ZNF831: variants seen among roughly 807,000 people sequenced by gnomAD.
ZNF831 encodes the protein chromosome 20 open reading frame 174.
ZNF831 carries 59 observed loss-of-function variants against 95.8 expected under a neutral mutation model. That is an observed-to-expected ratio of 0.62 (90% confidence interval 0.50 to 0.77). The LOEUF is 0.77. Among genes scored for constraint, ZNF831 ranks in the 30% least tolerant of loss-of-function variants. ZNF831 has a pLI of 0.00. For missense variants in ZNF831, 2,205 were observed against 2,164.0 expected, an observed-to-expected ratio of 1.02 and a Z score of -0.38; for synonymous variants, 961 against 925.5, an observed-to-expected ratio of 1.04 and a Z score of -0.70.
chr20:59,156,702 G>T (rs1310929496), intron 2 of ZNF831, among the ~76,000 whole-genome samples: 1 of 152,042 alleles, frequency 6.6e-6, no homozygotes, highest in South Asian at 2.1e-4. Context: ...ATCACCGCTG[G>T]ACTCTCCGCT....
In ZNF831 at chr20:59,192,627, G is replaced by T; in HGVS notation, c.1608G>T (p.Arg536Ser). 1.3e-6 allele frequency: 2 copies of T among 1,497,064 alleles called. No homozygotes were observed. Among genetic ancestry groups the T allele is most frequent in the Non-Finnish European group, 1.8e-6 (2 of 1,125,958 alleles). 92.7% of individuals were successfully genotyped at this position (1,497,064 alleles called of 1,614,324 possible). ...GGACGCAGAAGCCTCTGAGCCCCAG[G>T]CCCGGCCCAGCCCGCCTGGGCTGCC... ...WSRTQKPLSP[R>S]PGPARLGCRS... Residue 536 changes from arginine to serine, a missense_variant, in exon 2 of 6, where the codon AGG becomes AGT. Transcript: ENST00000371030. This position sits in a 1 kb window ranked among gnomAD's most constrained non-coding sequence, Gnocchi z 5.2.
Position 59,191,678 on chromosome 20 carries a change from C to T in ZNF831, c.659C>T (p.Ala220Val), listed in dbSNP as rs371194523. The T allele has an allele frequency of 1.1e-5, 17 of 1,558,998 alleles. No homozygotes were observed. The highest frequency in any genetic ancestry group is 1.3e-5 in the Non-Finnish European group (15 of 1,152,738). ...GGGLLEEGDK[A>V]GEPPRPEGRG... is the part of the protein sequence containing the mutation. ...GGCCTCCTGGAGGAAGGGGACAAGG[C>T]CGGAGAGCCCCCCAGACCAGAGGGC... is the stretch of plus-strand genomic sequence containing the variant. The change falls in exon 2 of 6, where the codon GCC becomes GTC. Residue 220 changes from alanine to valine, a missense_variant. Coordinates refer to ENST00000371030, the MANE Select transcript of ZNF831 (RefSeq NM_178457.3).
rs761556408 is a variant in ZNF831 at position 59,195,866 on chromosome 20, C to T, written c.3739-3C>T. On this transcript the variant is annotated splice_region_variant and splice_polypyrimidine_tract_variant and intron_variant, in intron 2 of 5. Transcript: ENST00000371030. ...GTGATGCCAACATGCTTGGTGTTTT[C>T]AGTTCTCCTACCCAACAGTCCCAGG... 45 of 1,610,604 alleles carry T rather than the reference C, an allele frequency of 2.8e-5. No homozygotes were observed. The highest frequency in any genetic ancestry group is 1.1e-4 in the African/African-American group (8 of 74,714).
chr20:59,195,999 C>A lies in ZNF831; in HGVS notation c.3869C>A (p.Pro1290His). 2 of 1,613,736 alleles carry A rather than the reference C, an allele frequency of 1.2e-6. No homozygotes were observed. Among genetic ancestry groups the A allele is most frequent in the South Asian group, 1.1e-5 (1 of 90,980 alleles). Residue 1290 changes from proline (P) to histidine (H), a missense_variant, in exon 3 of 6, where the codon CCT (proline) becomes CAT (histidine). Physicochemically the swap from Pro to His is moderately conservative, Grantham distance 77. Coordinates refer to ENST00000371030, the MANE Select transcript of ZNF831 (RefSeq NM_178457.3). ...NSKQRKLKIN[P>H]KRYKGNFLQS... Reference sequence around the variant, plus strand: ...AAGCAGAGAAAACTGAAGATCAACCCTAAAAGGTAGGATGAGTGGCCACCT... The same window carrying A: ...AAGCAGAGAAAACTGAAGATCAACCATAAAAGGTAGGATGAGTGGCCACCT...
intron 1 of ZNF831, among the ~76,000 whole-genome samples, chr20:59,136,455 A>G (rs1340502596): frequency 6.6e-6 from 1 of 152,186 alleles, no homozygotes; most frequent in Non-Finnish European, 1.5e-5. Flanking sequence ...TGCCTTCCAC[A>G]TTACCCAGAA....
At chr20:59,155,559 A>G (rs1169440085) in intron 2 of ZNF831, among the ~76,000 whole-genome samples, 1 of 152,190 alleles carries the variant, frequency 6.6e-6, no homozygotes, top group African/African-American at 2.4e-5. Flanking sequence ...GTTTTAGCTC[A>G]GGTGCTAAAT....
intron 4 of ZNF831, among the ~76,000 whole-genome samples, chr20:59,212,833 C>T (rs1024000281): frequency 6.6e-6 from 1 of 152,212 alleles, no homozygotes; most frequent in African/African-American, 2.4e-5. Flanking sequence ...TCTCTCCTTG[C>T]CTACCATCAC....
intron 3 of ZNF831, among the ~76,000 whole-genome samples, chr20:59,200,128 T>C (rs745746337): frequency 2.6e-5 from 4 of 152,182 alleles, no homozygotes; most frequent in African/African-American, 4.8e-5. Context: ...CTTTAAGATC[T>C]TCTTTTATCC....
At position 59,131,122 on chromosome 20, in the gene ZNF831, G is replaced by T. The variant is rs115833886; in HGVS notation, c.-1425+7617G>T. ...GGTTGAAGGAAATGCTAGACTCCCAGCATTAACCTTCCAGCATCCATCTTG... is the reference window on the plus strand; with the variant it reads ...GGTTGAAGGAAATGCTAGACTCCCATCATTAACCTTCCAGCATCCATCTTG... On this transcript the variant is annotated intron_variant, in intron 1 of 7. Transcript: ENST00000637017. Among the ~76,000 whole-genome samples, 1,347 of 152,282 alleles carry T rather than the reference G, an allele frequency of 8.8e-3. 13 individuals are homozygous for T. The highest frequency in any genetic ancestry group is 0.031 in the African/African-American group (1,268 of 41,558).
chr20:59,127,879 C>T (rs1023397731), intron 1 of ZNF831, among the ~76,000 whole-genome samples: 25 of 152,332 alleles, frequency 1.6e-4, no homozygotes, highest in African/African-American at 4.8e-4. Context: ...GGAGAGGATG[C>T]AGAGTGGAGC....
intron 1 of ZNF831, among the ~76,000 whole-genome samples, chr20:59,136,554 G>C (rs1014027885): frequency 6.6e-6 from 1 of 152,184 alleles, no homozygotes; most frequent in African/African-American, 2.4e-5. Flanking sequence ...GCACCTGCAT[G>C]TTCATGTTTA....
chr20:59,137,850 C>T (rs543917123), intron 1 of ZNF831, among the ~76,000 whole-genome samples: 21 of 152,172 alleles, frequency 1.4e-4, no homozygotes, highest in Non-Finnish European at 2.8e-4. Flanking sequence ...CATTTCAATT[C>T]CTGTGTCATT....
At chr20:59,146,432 A>G (rs908829038) in intron 2 of ZNF831, 2 of 152,306 alleles carry the variant, frequency 1.3e-5, no homozygotes, top group Non-Finnish European at 2.9e-5. Context: ...GCAAGGCCAG[A>G]TGAAGGGATC....
chr20:59,151,045 G>A (rs760197749), intron 2 of ZNF831, among the ~76,000 whole-genome samples: 1 of 152,220 alleles, frequency 6.6e-6, no homozygotes, highest in African/African-American at 2.4e-5. Flanking sequence ...ATGGGTTTCC[G>A]ATAGTGCAGG....
Position 59,256,676 on chromosome 20 carries a change from A to AAGCC in ZNF831, c.*1934_*1935insGCCA. The AAGCC allele has an allele frequency of 6.6e-6, 1 of 152,218 alleles. No individual in the cohort carries two copies. Among genetic ancestry groups the AAGCC allele is most frequent in the African/African-American group, 2.4e-5 (1 of 41,454 alleles). The allele number at this position is 152,218 out of a possible 1,614,324, so 9.4% of individuals were successfully genotyped here. A position where few individuals can be genotyped will look rare whatever the true frequency, so the allele number is the denominator to read the frequency against. Reference sequence around the variant, plus strand: ...CTCTCTCCTTAAAATGCATGGACTCAATGGCTTGAAGATATTCCCCATGGG... The same window carrying AAGCC: ...CTCTCTCCTTAAAATGCATGGACTCAAGCCATGGCTTGAAGATATTCCCCATGGG... On this transcript the variant is annotated 3_prime_UTR_variant, in exon 6 of 6. Transcript: ENST00000371030.
intron 1 of ZNF831, among the ~76,000 whole-genome samples, chr20:59,144,508 A>C (rs960401746): frequency 1.3e-5 from 2 of 152,192 alleles, no homozygotes; most frequent in Non-Finnish European, 1.5e-5. Context: ...GTCCTCAGAC[A>C]TTACCCAATG....
rs1025468510 is a variant in ZNF831, at chr20:59,254,908, A to G, written c.*165A>G. 4 of 920,100 alleles carry G rather than the reference A, an allele frequency of 4.3e-6. No homozygotes were observed. The African/African-American group carries it at 6.7e-5, about 15-fold the overall frequency. The allele number at this position is 920,100 out of a possible 1,614,324, so 57.0% of individuals were successfully genotyped here. A position where few individuals can be genotyped will look rare whatever the true frequency, so the allele number is the denominator to read the frequency against. On this transcript the variant is annotated 3_prime_UTR_variant, in exon 6 of 6. Transcript: ENST00000371030. This position sits in a 1 kb window ranked among gnomAD's most constrained non-coding sequence, Gnocchi z 4.5. ...CAACTCCAACCAACTTCTGACCCCC[A>G]ACTCAGCCGCAGCGTTCCCCAGCTC...
At chr20:59,231,038 G>T (rs931471674) in intron 4 of ZNF831, among the ~76,000 whole-genome samples, 1 of 152,278 alleles carries the variant, frequency 6.6e-6, no homozygotes. Flanking sequence ...GGCTGCTCCA[G>T]CTCCTGCCAT....
At chr20:59,239,660 T>A (rs1184982062) in intron 4 of ZNF831, among the ~76,000 whole-genome samples, 1 of 150,906 alleles carries the variant, frequency 6.6e-6, no homozygotes, top group Non-Finnish European at 1.5e-5. Flanking sequence ...TTCTCCTGCC[T>A]CAGCCTCCCG....
Sources: gnomAD v4.1 joint callset for allele counts (sites outside exome capture counted in the v4.1 genomes callset) on GRCh38, gnomAD v4.1.1 for gene constraint, Gnocchi (gnomAD v3.1) non-coding constraint, MANE v1.5 for transcripts, NCBI Gene and HGNC (gene_info 2026-07-23, HGNC 2026-07-21) for gene names.